The following MRPL37 variants were observed in gnomAD, a reference collection of about 807,000 sequenced individuals.
MRPL37 encodes mitochondrial ribosomal protein L37.
In MRPL37, 34 loss-of-function variants were observed where a neutral mutation model predicts 44.1. The ratio of observed to expected loss-of-function variants is 0.77; its 90% CI spans 0.59 to 1.03. The LOEUF (loss-of-function observed/expected upper bound fraction) is 1.03. Among genes scored for constraint, MRPL37 ranks in the 50% least tolerant of loss-of-function variants. The pLI, the probability that MRPL37 is intolerant of heterozygous loss-of-function variation, is 0.00. For missense variants in MRPL37, 532 were observed against 543.7 expected (o/e 0.98, Z 0.21); for synonymous variants, 212 against 219.5 (o/e 0.97, Z 0.30).
At chr1:54,201,006 C>A (rs1644076876) in intron 1 of MRPL37, among the ~76,000 whole-genome samples, 1 of 152,180 alleles carries the variant, frequency 6.6e-6, no homozygotes, top group African/African-American at 2.4e-5. Context: ...GTGGAGACAG[C>A]AGGATGTTTA....
At chr1:54,223,668 C>G (rs1393399325), downstream of MRPL37, among the ~76,000 whole-genome samples, 1 of 152,188 alleles carries the variant, frequency 6.6e-6, no homozygotes, top group African/African-American at 2.4e-5. Flanking sequence ...GCCGGCCGAC[C>G]CCTAGAATCA....
chr1:54,216,456 G>A, intron 6 of MRPL37, 112 bp downstream of exon 6: 1 of 1,267,390 alleles, frequency 7.9e-7, no homozygotes, highest in Non-Finnish European at 1.1e-6. Context: ...TGGCCCTGGG[G>A]ACTTCCCACC....
At chr1:54,218,711 T>G (rs937901230), downstream of MRPL37, among the ~76,000 whole-genome samples, 1 of 152,192 alleles carries the variant, frequency 6.6e-6, no homozygotes, top group Non-Finnish European at 1.5e-5. Context: ...TTATTGTAGA[T>G]TTCTCCCTCG....
chr1:54,206,238 G>A lies in MRPL37; in HGVS notation c.646+828G>A, dbSNP rs550166321. ...CGCCATTCTTCTGCCTCAGCCTCCC[G>A]AGTAGCTGGGACTACAGGCGCCCGC... On this transcript the variant is annotated intron_variant, in intron 3 of 6. Transcript: ENST00000360840. Among the ~76,000 whole-genome samples, 62 of 151,702 alleles carry A rather than the reference G, an allele frequency of 4.1e-4. 1 individual carries two copies. Among genetic ancestry groups the A allele is most frequent in the African/African-American group, 1.4e-3 (57 of 41,362 alleles).
rs1445719762 is a variant in MRPL37, at chr1:54,200,231, C to G, written c.-13C>G. On this transcript the variant is annotated 5_prime_UTR_variant, in exon 1 of 7. Transcript: ENST00000360840. ...CGGGGTCCAGGTGGAGGTCTTGAGG[C>G]TATCAGATCGGTATGGCATTGGCGT... The G allele has an allele frequency of 1.3e-6, 2 of 1,548,760 alleles. No homozygotes were observed. Among genetic ancestry groups the G allele is most frequent in the Non-Finnish European group, 8.7e-7 (1 of 1,153,456 alleles).
chr1:54,203,724 C>T (rs2100501157), intron 1 of MRPL37, among the ~76,000 whole-genome samples: 1 of 152,162 alleles, frequency 6.6e-6, no homozygotes, highest in Non-Finnish European at 1.5e-5. Flanking sequence ...GATCTGCCCA[C>T]CTCAGCCTCC....
At chr1:54,223,720 T>A (rs923908154), downstream of MRPL37, among the ~76,000 whole-genome samples, 1 of 152,188 alleles carries the variant, frequency 6.6e-6, no homozygotes, top group African/African-American at 2.4e-5. Flanking sequence ...AAAGCTGTGG[T>A]CTGGCCCCCG....
At chr1:54,213,201 T>C (rs1644176462) in intron 5 of MRPL37, among the ~76,000 whole-genome samples, 1 of 152,192 alleles carries the variant, frequency 6.6e-6, no homozygotes, top group South Asian at 2.1e-4. Context: ...CTAGATGGTA[T>C]AGAATACAAA....
downstream of MRPL37, among the ~76,000 whole-genome samples, chr1:54,221,469 C>G (rs1422850025): frequency 1.3e-5 from 2 of 152,168 alleles, no homozygotes; most frequent in African/African-American, 4.8e-5. Context: ...TCCAGGGACC[C>G]TCTCCCCTCA....
At chr1:54,204,989 CTTTA>C (rs1177424608) in intron 1 of MRPL37, 25 bp from the exon 2 acceptor site, 1 of 1,514,464 alleles carries the variant, frequency 6.6e-7, no homozygotes, top group Non-Finnish European at 9.0e-7. Context: ...TTCTTTCCTT[CTTTA>C]TTTTTGTGGC....
At position 54,200,222 on chromosome 1, in the gene MRPL37, G is replaced by A; in HGVS notation, c.-22G>A. On this transcript the variant is annotated 5_prime_UTR_variant, in exon 1 of 7. Transcript: ENST00000360840. Reference sequence around the variant, plus strand: ...GCAACATGGCGGGGTCCAGGTGGAGGTCTTGAGGCTATCAGATCGGTATGG... The same window carrying A: ...GCAACATGGCGGGGTCCAGGTGGAGATCTTGAGGCTATCAGATCGGTATGG... The A allele has an allele frequency of 2.6e-6, 4 of 1,538,446 alleles. No individual in the cohort carries two copies. Among genetic ancestry groups the A allele is most frequent in the South Asian group, 1.2e-5 (1 of 80,728 alleles).
downstream of MRPL37, chr1:54,225,061 C>G (rs1435836044): frequency 8.1e-7 from 1 of 1,229,902 alleles, no homozygotes; most frequent in Non-Finnish European, 1.0e-6. Context: ...TGTGGCCCTC[C>G]TGGCCGATAG....
chr1:54,205,193 G>A lies in MRPL37; in HGVS notation c.522G>A (p.Glu174=). 3 of 1,612,562 alleles carry A rather than the reference G, an allele frequency of 1.9e-6. No homozygotes were observed. Among genetic ancestry groups the A allele is most frequent in the Non-Finnish European group, 2.5e-6 (3 of 1,178,772 alleles). ...WQTTEEIPKR[E]TYCPVIVDNL... is the part of the protein sequence containing the mutation. ...CCACTGAGGAAATCCCCAAGAGAGA[G>A]ACCTACTGGTAAGTTCCCCCAAGTA... Residue 174 remains glutamate (E), a synonymous_variant, in exon 2 of 7, where the codon GAG becomes GAA. Transcript: ENST00000360840.
chr1:54,221,032 A>C (rs1644230264), downstream of MRPL37: 1 of 356,952 alleles, frequency 2.8e-6, no homozygotes, highest in Admixed American at 3.9e-5. Flanking sequence ...GCCCTGTCAG[A>C]TCCTCCACTT....
At chr1:54,223,485 C>A (rs931384033), downstream of MRPL37, among the ~76,000 whole-genome samples, 14 of 152,228 alleles carry the variant, frequency 9.2e-5, no homozygotes, top group African/African-American at 2.9e-4. Flanking sequence ...AGCCTTCTTA[C>A]CCCCGCTAGA....
In MRPL37 at chr1:54,216,150, A is replaced by G. The variant is rs775447739; in HGVS notation, c.1000A>G (p.Lys334Glu). 12 of 1,614,076 alleles carry G rather than the reference A, an allele frequency of 7.4e-6. No homozygotes were observed. Among genetic ancestry groups the G allele is most frequent in the Admixed American group, 1.7e-5 (1 of 60,004 alleles). The change falls in exon 6 of 7, where the codon AAG (lysine) becomes GAG (glutamate). Residue 334 changes from lysine (K) to glutamate (E), a missense_variant. Physicochemically the swap from Lys to Glu is moderately conservative, Grantham distance 56 (BLOSUM62 1). Transcript: ENST00000360840. ...CCCCTTTTCCTCTCAGAATGATGCC[A>G]AGGTCTTGGAGCAGCCCGTGGTGGT... ...QARLLYGNDA[K>E]VLEQPVVVQS...
At chr1:54,217,287 G>A (rs1474000337) in intron 6 of MRPL37, among the ~76,000 whole-genome samples, 1 of 152,206 alleles carries the variant, frequency 6.6e-6, no homozygotes, top group African/African-American at 2.4e-5. Flanking sequence ...TGCTGGGTCT[G>A]TGCCCTTTGC....
rs1285558409 is a variant in MRPL37 at position 54,200,328 on chromosome 1, G to A, written c.85G>A (p.Gly29Arg). The A allele has an allele frequency of 6.2e-7, 1 of 1,613,670 alleles. No individual in the cohort carries two copies. Among genetic ancestry groups the A allele is most frequent in the African/African-American group, 1.3e-5 (1 of 74,954 alleles). Residue 29 changes from glycine (G) to arginine (R), a missense_variant, in exon 1 of 7, where the codon GGG (glycine) becomes AGG (arginine). Gly to Arg is a moderately radical substitution (Grantham distance 125, BLOSUM62 -2). Coordinates refer to ENST00000360840, the MANE Select transcript of MRPL37 (RefSeq NM_016491.4). The stretch of plus-strand genomic sequence containing the variant: ...TGGGGGCTTCGGGGCCCCGAGACGC[G>A]GGGCGTATGAGTGGGGCGTGCGCTC... ...GLGGFGAPRR[G>R]AYEWGVRSTR...
chr1:54,225,489 A>C, downstream of MRPL37: 1 of 1,131,186 alleles, frequency 8.8e-7, no homozygotes, highest in Non-Finnish European at 1.1e-6. Flanking sequence ...TACACAAACT[A>C]CAATGTATCA....
Sources: gnomAD v4.1 joint callset for allele counts (sites outside exome capture counted in the v4.1 genomes callset) on GRCh38, gnomAD v4.1.1 for gene constraint, MANE v1.5 for transcripts, NCBI Gene and HGNC (gene_info 2026-07-23, HGNC 2026-07-21) for gene names.